Variants in ARHGAP6 observed in about 807,000 individuals in gnomAD.
ARHGAP6 encodes rho GTPase-activating protein 6.
Under a neutral mutation model 55.7 loss-of-function variants are expected in ARHGAP6, and 16 were observed. The observed-to-expected ratio is 0.29, with a 90% confidence interval of 0.19 to 0.44. The LOEUF is 0.44. Among genes scored for constraint, ARHGAP6 ranks in the 20% least tolerant of loss-of-function variants. The probability of loss-of-function intolerance (pLI) is 1.00; values close to 1 mark genes in which losing one functional copy is unlikely to be tolerated. For synonymous variants in ARHGAP6, 382 were observed against 360.9 expected (o/e 1.06, Z -0.66); for missense variants, 698 against 808.9 (o/e 0.86, Z 1.66).
At chrX:11,395,680 A>T (rs959341842) in intron 1 of ARHGAP6, among the ~76,000 whole-genome samples, 1 of 112,170 alleles carries the variant, frequency 8.9e-6, no homozygotes, top group African/African-American at 3.2e-5. Flanking sequence ...GGAGAAATAA[A>T]ATTCAGTTCT....
At chrX:11,413,218 C>A (rs1229504255) in intron 1 of ARHGAP6, among the ~76,000 whole-genome samples, 2 of 112,465 alleles carry the variant, frequency 1.8e-5, no homozygotes, top group East Asian at 5.5e-4. Flanking sequence ...GGACATTATG[C>A]TTTCAATCTG....
At position 11,517,579 on chromosome X, in the gene ARHGAP6, T is replaced by C. The variant is rs768277339; in HGVS notation, c.588+146662A>G. On this transcript the variant is annotated intron_variant, in intron 1 of 12. Transcript: ENST00000337414. ...TTTAGCCCTCATCTCTCTCCTGAACTTTAATCCTATGTGTTTGGTTTAAAA... is the reference window on the plus strand; with the variant it reads ...TTTAGCCCTCATCTCTCTCCTGAACCTTAATCCTATGTGTTTGGTTTAAAA... 2.6e-4 allele frequency among the ~76,000 whole-genome samples: 29 copies of C among 111,591 alleles called. No homozygotes were observed. The South Asian group carries it at 4.9e-3, about 19-fold the overall frequency.
intron 1 of ARHGAP6, among the ~76,000 whole-genome samples, chrX:11,507,708 GC>G (rs769434170): frequency 1.6e-3 from 173 of 111,429 alleles, no homozygotes; most frequent in African/African-American, 5.4e-3. Context: ...AGGCAATTGT[GC>G]CCCCAGGCAG....
chrX:11,541,872 A>C (rs1320096225), intron 1 of ARHGAP6, among the ~76,000 whole-genome samples: 2 of 112,499 alleles, frequency 1.8e-5, no homozygotes. Flanking sequence ...TTTTAAAATC[A>C]CTGCAAACAC....
intron 8 of ARHGAP6, among the ~76,000 whole-genome samples, chrX:11,176,245 A>ATATATATATATATT (rs2046213141): frequency 1.5e-5 from 1 of 66,696 alleles, no homozygotes; most frequent in South Asian, 9.7e-4. Context: ...ATATATATAT[A>ATATATATATATATT]TATATATATA....
At chrX:11,507,437 A>G in intron 1 of ARHGAP6, among the ~76,000 whole-genome samples, 1 of 111,640 alleles carries the variant, frequency 9.0e-6, no homozygotes, top group Non-Finnish European at 1.9e-5. Context: ...AGGGAAATTT[A>G]TCTCAGGGGC....
intron 1 of ARHGAP6, among the ~76,000 whole-genome samples, chrX:11,424,920 T>C (rs895301437): frequency 2.3e-4 from 26 of 112,620 alleles, no homozygotes; most frequent in Non-Finnish European, 1.3e-4. Context: ...TCTAGTTAAT[T>C]GCATTTTGCT....
intron 1 of ARHGAP6, among the ~76,000 whole-genome samples, chrX:11,433,504 G>A (rs896042481): frequency 2.7e-5 from 3 of 112,159 alleles, no homozygotes; most frequent in Non-Finnish European, 5.6e-5. Context: ...AGGAGAGGCC[G>A]CAATTTCTCC....
intron 1 of ARHGAP6, among the ~76,000 whole-genome samples, chrX:11,495,759 T>C (rs2050616031): frequency 8.9e-6 from 1 of 112,327 alleles, no homozygotes; most frequent in Middle Eastern, 4.6e-3. Flanking sequence ...CTGTAACAAA[T>C]AGACTCCATA....
intron 1 of ARHGAP6, among the ~76,000 whole-genome samples, chrX:11,660,855 G>A (rs1374203939): frequency 9.0e-6 from 1 of 110,755 alleles, no homozygotes; most frequent in Non-Finnish European, 1.9e-5. Context: ...AATGTTCTCT[G>A]GACAGTGAAG....
At chrX:11,230,084 C>A (rs1299783917) in intron 2 of ARHGAP6, among the ~76,000 whole-genome samples, 1 of 112,328 alleles carries the variant, frequency 8.9e-6, no homozygotes. Context: ...ATAAGCACTG[C>A]AGAGGTCCAT....
intron 1 of ARHGAP6, among the ~76,000 whole-genome samples, chrX:11,584,164 A>C (rs2051698426): frequency 8.9e-6 from 1 of 112,299 alleles, no homozygotes; most frequent in African/African-American, 3.2e-5. Context: ...TCGATTTCCT[A>C]TAAGTCATAA....
At chrX:11,651,572 G>C (rs552181358) in intron 1 of ARHGAP6, among the ~76,000 whole-genome samples, 1 of 111,665 alleles carries the variant, frequency 9.0e-6, no homozygotes. Context: ...CCATGTCTTT[G>C]CTATTGTGAA....
intron 1 of ARHGAP6, among the ~76,000 whole-genome samples, chrX:11,329,501 A>G (rs5979402): frequency 0.18 from 20,085 of 111,625 alleles, 1,501 homozygotes; most frequent in Middle Eastern, 0.29. Context: ...AAAATGCAAG[A>G]CACTACCTTT....
intron 2 of ARHGAP6, among the ~76,000 whole-genome samples, chrX:11,247,058 G>A (rs1166758640): frequency 8.9e-6 from 1 of 111,976 alleles, no homozygotes; most frequent in Non-Finnish European, 1.9e-5. Context: ...TAGCAAGAAT[G>A]TAATTTTCCT....
chrX:11,492,761 C>T (rs2050584078), intron 1 of ARHGAP6, among the ~76,000 whole-genome samples: 1 of 112,145 alleles, frequency 8.9e-6, no homozygotes, highest in Non-Finnish European at 1.9e-5. Context: ...TCGCTATCCA[C>T]CAAAATTTGT....
Position 11,474,013 on chromosome X carries a change from G to T in ARHGAP6, c.588+190228C>A, listed in dbSNP as rs144074734. Among the ~76,000 whole-genome samples, 3 of 110,985 alleles carry T rather than the reference G, an allele frequency of 2.7e-5. No homozygotes were observed. In the East Asian group the frequency reaches 8.6e-4, roughly 32 times the overall value. ...CTAGACCCAAGCTCCTGGGGTCCAGGCTCTAATGCTGGGTTCTTTGCAAAG... is the reference window on the plus strand; with the variant it reads ...CTAGACCCAAGCTCCTGGGGTCCAGTCTCTAATGCTGGGTTCTTTGCAAAG... On this transcript the variant is annotated intron_variant, in intron 1 of 12. Transcript: ENST00000337414.
chrX:11,433,743 G>A (rs948310108), intron 1 of ARHGAP6, among the ~76,000 whole-genome samples: 3 of 112,403 alleles, frequency 2.7e-5, no homozygotes, highest in South Asian at 7.4e-4. Flanking sequence ...TATTCATTAA[G>A]CACCTACATC....
At chrX:11,350,621 C>T (rs1166814108) in intron 1 of ARHGAP6, among the ~76,000 whole-genome samples, 1 of 112,284 alleles carries the variant, frequency 8.9e-6, no homozygotes, top group Non-Finnish European at 1.9e-5. Context: ...TTGTTACTCA[C>T]TTACATGTTT....
Sources: allele counts gnomAD v4.1 joint callset (sites outside exome capture counted in the v4.1 genomes callset), GRCh38; gene constraint gnomAD v4.1.1; transcripts MANE v1.5; gene names NCBI Gene and HGNC (gene_info 2026-07-23, HGNC 2026-07-21).